NTN5: variants seen among roughly 807,000 people sequenced by gnomAD.
The protein encoded by NTN5 is netrin-5.
In NTN5, 42 loss-of-function variants were observed where a neutral mutation model predicts 38.7. That is an observed-to-expected ratio of 1.08 (90% CI 0.85 to 1.40). The LOEUF (loss-of-function observed/expected upper bound fraction) is 1.40. Ranked by LOEUF, NTN5 falls within the 40% of genes most tolerant of loss-of-function variation. The pLI, the probability that NTN5 is intolerant of heterozygous loss-of-function variation, is 0.00. For missense variants in NTN5, 658 were observed against 716.5 expected (o/e 0.92, Z 0.93); for synonymous variants, 329 against 303.9 (o/e 1.08, Z -0.86).
chr19:48,671,572 C>T (rs549010877), intron 1 of NTN5, among the ~76,000 whole-genome samples: 6 of 151,588 alleles, frequency 4.0e-5, no homozygotes, highest in East Asian at 3.9e-4. Context: ...GACTGAGGCT[C>T]GGACTGCCTG....
At chr19:48,662,716 A>G (rs531279024) in intron 6 of NTN5, 1 of 154,200 alleles carries the variant, frequency 6.5e-6, no homozygotes, top group South Asian at 2.0e-4. Context: ...CGGCCCCCAC[A>G]AAGTGCTGGG....
Position 48,663,457 on chromosome 19 carries a change from AC to A in NTN5, c.1105+5del. ...GCCTTCAGCTGTCTGTCTCCCCAGCACTCACCATGGTCCTGCTGGCAGTACC... is the reference window on the plus strand; with the variant it reads ...GCCTTCAGCTGTCTGTCTCCCCAGCATCACCATGGTCCTGCTGGCAGTACC... On this transcript the variant is annotated splice_donor_5th_base_variant and intron_variant, in intron 6 of 6. Coordinates refer to ENST00000270235, the MANE Select transcript of NTN5 (RefSeq NM_145807.4). 1 of 1,613,182 alleles carries A rather than the reference AC, an allele frequency of 6.2e-7. No homozygotes were observed. Among genetic ancestry groups the A allele is most frequent in the East Asian group, 2.2e-5 (1 of 44,860 alleles).
intron 2 of NTN5, among the ~76,000 whole-genome samples, chr19:48,669,685 T>A (rs917704352): frequency 2.0e-5 from 1 of 50,174 alleles, no homozygotes; most frequent in Non-Finnish European, 4.0e-5. Context: ...ATCACCACCA[T>A]CACCACCACC....
Position 48,666,259 on chromosome 19 carries a change from G to A in NTN5, c.632-1492C>T, listed in dbSNP as rs1003755797. On this transcript the variant is annotated intron_variant, in intron 2 of 6. Transcript: ENST00000270235. ...CTCACTCCAGTAATACACAGCTCCC[G>A]TGAGGATTATTTAGCATGTGCATTA... Among the ~76,000 whole-genome samples, 5 of 152,308 alleles carry A rather than the reference G, an allele frequency of 3.3e-5. No individual in the cohort carries two copies. The East Asian group carries it at 9.6e-4, about 29-fold the overall frequency.
chr19:48,666,177 G>A (rs544447925), intron 2 of NTN5, among the ~76,000 whole-genome samples: 111 of 152,276 alleles, frequency 7.3e-4, no homozygotes, highest in African/African-American at 2.6e-3. Context: ...CAGCTAGCGG[G>A]TAGTTGGAGG....
intron 2 of NTN5, among the ~76,000 whole-genome samples, chr19:48,669,643 TCAC>T (rs1466061082): frequency 5.5e-5 from 3 of 54,192 alleles, no homozygotes; most frequent in African/African-American, 9.6e-5. Context: ...GTCATCACCA[TCAC>T]CACCACCAAC....
At chr19:48,667,804 C>A (rs771520339) in intron 2 of NTN5, among the ~76,000 whole-genome samples, 1 of 151,744 alleles carries the variant, frequency 6.6e-6, no homozygotes, top group African/African-American at 2.4e-5. Flanking sequence ...TACAGTGAGC[C>A]GAGATGGCGC....
At position 48,661,668 on chromosome 19, in the gene NTN5, A is replaced by C. The variant is rs1312987199; in HGVS notation, c.*9T>G. On this transcript the variant is annotated 3_prime_UTR_variant, in exon 7 of 7. Coordinates refer to ENST00000270235, the MANE Select transcript of NTN5 (RefSeq NM_145807.4). ...CTTTGTTGGTGCTCGAGGCAGCCCCATCTCACGTCTAGTGCTCCGGCCTGG... is the reference window on the plus strand; with the variant it reads ...CTTTGTTGGTGCTCGAGGCAGCCCCCTCTCACGTCTAGTGCTCCGGCCTGG... The C allele has an allele frequency of 2.6e-6, 4 of 1,532,798 alleles. No homozygotes were observed. The highest frequency in any genetic ancestry group is 2.4e-5 in the South Asian group (2 of 83,328). The allele number at this position is 1,532,798 out of a possible 1,614,324, so 94.9% of individuals were successfully genotyped here. A position where few individuals can be genotyped will look rare whatever the true frequency, so the allele number is the denominator to read the frequency against.
chr19:48,669,757 T>C (rs1383136130), intron 2 of NTN5, among the ~76,000 whole-genome samples: 2,499 of 25,030 alleles, frequency 0.1, no homozygotes, highest in East Asian at 0.19. Context: ...ACCATCACCA[T>C]CGTCACCACT....
intron 3 of NTN5, 135 bp from the exon 4 acceptor site, chr19:48,664,427 C>T: frequency 2.2e-6 from 3 of 1,334,900 alleles, no homozygotes; most frequent in Non-Finnish European, 3.0e-6. Flanking sequence ...GAGTCCAGGC[C>T]CCCAGCCCCT....
intron 2 of NTN5, among the ~76,000 whole-genome samples, chr19:48,669,015 A>T (rs2031780903): frequency 6.6e-6 from 1 of 150,658 alleles, no homozygotes; most frequent in African/African-American, 2.5e-5. Context: ...CACTATCACC[A>T]CCATCATCAC....
At chr19:48,662,745 C>T (rs967730110) in intron 6 of NTN5, 61 of 157,672 alleles carry the variant, frequency 3.9e-4, no homozygotes, top group Admixed American at 2.4e-4. Context: ...CATGAGCCAC[C>T]GCGCCCGGCC....
intron 3 of NTN5, 50 bp downstream of exon 3, chr19:48,664,529 G>T (rs144755455): frequency 1.3e-6 from 2 of 1,496,210 alleles, no homozygotes; most frequent in Admixed American, 4.5e-5. Flanking sequence ...AGCCCCAGGA[G>T]TCCAGCCCTA....
chr19:48,669,201 T>C (rs1211186378), intron 2 of NTN5, among the ~76,000 whole-genome samples: 20 of 16,220 alleles, frequency 1.2e-3, no homozygotes, highest in South Asian at 2.4e-3. Flanking sequence ...ATCACCACCA[T>C]CACCATCACC....
chr19:48,669,727 CCACCAT>C (rs1203616832), intron 2 of NTN5, among the ~76,000 whole-genome samples: 36 of 114,780 alleles, frequency 3.1e-4, no homozygotes, highest in African/African-American at 1.1e-3. Context: ...ACCACCACCA[CCACCAT>C]CACCATCACC....
chr19:48,663,611 T>C, intron 5 of NTN5, 68 bp from the exon 6 acceptor site: 2 of 1,551,662 alleles, frequency 1.3e-6, no homozygotes, highest in Non-Finnish European at 1.8e-6. Context: ...CCCCTGCCCA[T>C]CCCTCCGTTC....
Position 48,669,789 on chromosome 19 carries a change from CCATCACCATCACCACCAT to C in NTN5, c.631+549_631+566del, listed in dbSNP as rs1223731565. Among the ~76,000 whole-genome samples, 176 of 97,190 alleles carry C rather than the reference CCATCACCATCACCACCAT, an allele frequency of 1.8e-3. 2 individuals are homozygous for C. Among genetic ancestry groups the C allele is most frequent in the Non-Finnish European group, 2.5e-3 (113 of 45,858 alleles). The allele number at this position is 97,190 out of a possible 152,430, so 63.8% of individuals were successfully genotyped here. On this transcript the variant is annotated intron_variant, in intron 2 of 6. Transcript: ENST00000270235. ...CACTACCATCACCATCACACCACCA[CCATCACCATCACCACCAT>C]CATCACCATCACCACCACCACCATC... is the stretch of plus-strand genomic sequence containing the variant.
rs1301285908 is a variant in NTN5 at position 48,669,837 on chromosome 19, T to C, written c.631+519A>G. On this transcript the variant is annotated intron_variant, in intron 2 of 6. Coordinates refer to ENST00000270235, the MANE Select transcript of NTN5 (RefSeq NM_145807.4). ...ACCATCACCACCACCACCATCACCA[T>C]CACCACCACTACCATCACCACCACC... Among the ~76,000 whole-genome samples, 27 of 59,024 alleles carry C rather than the reference T, an allele frequency of 4.6e-4. 1 individual carries two copies. Among genetic ancestry groups the C allele is most frequent in the South Asian group, 3.7e-3 (6 of 1,600 alleles). The allele number at this position is 59,024 out of a possible 152,430, so 38.7% of individuals were successfully genotyped here.
chr19:48,662,154 G>T (rs1472747202), intron 6 of NTN5, 113 bp from the exon 7 acceptor site: 4 of 1,130,452 alleles, frequency 3.5e-6, no homozygotes, highest in East Asian at 7.4e-5. Context: ...TGGGCTTCTG[G>T]TATCGCAGTG....
Sources: gnomAD v4.1 joint callset for allele counts (sites outside exome capture counted in the v4.1 genomes callset) on GRCh38, gnomAD v4.1.1 for gene constraint, MANE v1.5 for transcripts, NCBI Gene and HGNC (gene_info 2026-07-23, HGNC 2026-07-21) for gene names.